The following TYRP1 variants were observed in gnomAD, a reference collection of about 807,000 sequenced individuals.
TYRP1 encodes the protein 5,6-dihydroxyindole-2-carboxylic acid oxidase.
A neutral mutation model predicts 42.8 loss-of-function variants in TYRP1; 49 were observed. That is an observed-to-expected ratio of 1.14 (90% CI 0.91 to 1.45). The LOEUF (loss-of-function observed/expected upper bound fraction) is 1.45. Among genes scored for constraint, TYRP1 ranks in the 40% most tolerant of loss-of-function variants. TYRP1 has a pLI of 0.00. For missense variants in TYRP1, 848 were observed against 662.0 expected (o/e 1.28, Z -3.08); for synonymous variants, 279 against 235.4 (o/e 1.19, Z -1.69).
chr9:12,703,052 A>G (rs1054421580), intron 5 of TYRP1, among the ~76,000 whole-genome samples: 4 of 152,030 alleles, frequency 2.6e-5, no homozygotes, highest in Non-Finnish European at 5.9e-5. Context: ...CTAGTTACTA[A>G]CAGAGCGTAG....
At chr9:12,697,874 G>T (rs1366570932) in intron 3 of TYRP1, among the ~76,000 whole-genome samples, 1 of 152,106 alleles carries the variant, frequency 6.6e-6, no homozygotes, top group Non-Finnish European at 1.5e-5. Flanking sequence ...AGATTCTAAG[G>T]CAGGGTTCCC....
chr9:12,702,744 T>G (rs902221886), intron 5 of TYRP1, among the ~76,000 whole-genome samples: 1 of 151,986 alleles, frequency 6.6e-6, no homozygotes, highest in African/African-American at 2.4e-5. Flanking sequence ...TATATCAAGG[T>G]CTCTAGCATT....
Position 12,695,679 on chromosome 9 carries a change from A to G in TYRP1, c.550A>G (p.Ile184Val), listed in dbSNP as rs759675607. ...CACGCCACAATTTGAGAACATTTCC[A>G]TTTATAACTACTTTGTTTGGACACA... ...GNTPQFENIS[I>V]YNYFVWTHYY... Residue 184 changes from isoleucine to valine, a missense_variant, in exon 3 of 8, where the codon ATT (isoleucine) becomes GTT (valine). Ile to Val is a conservative substitution (Grantham distance 29). Coordinates refer to ENST00000388918, the MANE Select transcript of TYRP1 (RefSeq NM_000550.3). 1.2e-6 allele frequency: 2 copies of G among 1,614,202 alleles called. No homozygotes were observed. Among genetic ancestry groups the G allele is most frequent in the Admixed American group, 3.3e-5 (2 of 60,028 alleles).
chr9:12,707,582 T>G (rs1586847229), intron 6 of TYRP1: 1 of 171,518 alleles, frequency 5.8e-6, no homozygotes, highest in Non-Finnish European at 1.2e-5. Flanking sequence ...GGGGAGAGAG[T>G]GGTGAGAGAT....
At chr9:12,702,121 T>G (rs932243987) in intron 4 of TYRP1, 150 bp from the exon 5 acceptor site, 2 of 749,452 alleles carry the variant, frequency 2.7e-6, no homozygotes, top group Admixed American at 2.9e-5. Flanking sequence ...ATTTTCTCAT[T>G]TTAATGCTAC....
chr9:12,704,622 T>G lies in TYRP1; in HGVS notation c.1178T>G (p.Leu393Trp), dbSNP rs1043658097. 6.2e-7 allele frequency: 1 copy of G among 1,613,100 alleles called. No individual in the cohort carries two copies. The highest frequency in any genetic ancestry group is 1.3e-5 in the African/African-American group (1 of 74,854). The change falls in exon 6 of 8, where the codon TTG becomes TGG. Residue 393 changes from leucine (L) to tryptophan (W), a missense_variant. Transcript: ENST00000388918. The stretch of plus-strand genomic sequence containing the variant: ...AATGGAACAGGGGGACAAACCCATT[T>G]GTCTCCAAATGATCCTATTTTTGTC... ...FLNGTGGQTHLSPNDPIFVLL... is the reference protein window; with the variant it reads ...FLNGTGGQTHWSPNDPIFVLL...
chr9:12,704,015 G>A (rs1818218677), intron 5 of TYRP1, among the ~76,000 whole-genome samples: 1 of 151,572 alleles, frequency 6.6e-6, no homozygotes, highest in Admixed American at 6.6e-5. Flanking sequence ...GCACAAAGAT[G>A]GAAAGAAAGC....
Position 12,704,541 on chromosome 9 carries a change from C to T in TYRP1, c.1097C>T (p.Thr366Met), listed in dbSNP as rs199823942. 183 of 1,612,234 alleles carry T rather than the reference C, an allele frequency of 1.1e-4. No individual in the cohort carries two copies. Among genetic ancestry groups the T allele is most frequent in the Non-Finnish European group, 1.4e-4 (170 of 1,179,388 alleles). Residue 366 changes from threonine to methionine, a missense_variant, in exon 6 of 8, where the codon ACG becomes ATG. By Grantham distance (81) the Thr-to-Met change is moderately conservative (BLOSUM62 -1). Coordinates refer to ENST00000388918, the MANE Select transcript of TYRP1 (RefSeq NM_000550.3). ...ATGTGTCTAGGTTACAGTGACCCCACGGGAAAGTATGACCCTGCTGTTCGA... is the reference window on the plus strand; with the variant it reads ...ATGTGTCTAGGTTACAGTGACCCCATGGGAAAGTATGACCCTGCTGTTCGA... ...RNTVEGYSDPTGKYDPAVRSL... is the reference protein window; with the variant it reads ...RNTVEGYSDPMGKYDPAVRSL...
chr9:12,695,839 T>A lies in TYRP1; in HGVS notation c.708+2T>A, dbSNP rs1286089402. On this transcript the variant is annotated splice_donor_variant, in intron 3 of 7. Coordinates refer to ENST00000388918, the MANE Select transcript of TYRP1 (RefSeq NM_000550.3). LOFTEE classifies it high-confidence loss of function. ...CTGCGTCTGGAGAAAGACATGCAGG[T>A]ATGTAAGAAGCATTTCAGTTTGCAG... 1.2e-6 allele frequency: 2 copies of A among 1,613,796 alleles called. No individual in the cohort carries two copies. Among genetic ancestry groups the A allele is most frequent in the African/African-American group, 1.3e-5 (1 of 75,050 alleles).
rs755136711 is a variant in TYRP1 at position 12,698,446 on chromosome 9, T to A, written c.709-5T>A. The stretch of plus-strand genomic sequence containing the variant: ...GAGAGTATTAATGTGGTTTCTGTGA[T>A]CTAGGAAATGTTGCAAGAGCCTTCT... On this transcript the variant is annotated splice_region_variant and splice_polypyrimidine_tract_variant and intron_variant, in intron 3 of 7. Coordinates refer to ENST00000388918, the MANE Select transcript of TYRP1 (RefSeq NM_000550.3). 6.2e-7 allele frequency: 1 copy of A among 1,613,140 alleles called. No homozygotes were observed. The highest frequency in any genetic ancestry group is 8.5e-7 in the Non-Finnish European group (1 of 1,179,278).
chr9:12,707,913 A>C (rs1818284884), intron 6 of TYRP1, 84 bp from the exon 7 acceptor site: 1 of 1,360,564 alleles, frequency 7.3e-7, no homozygotes, highest in Non-Finnish European at 1.0e-6. Flanking sequence ...TTCTCCTTGA[A>C]TATTGGATGC....
At chr9:12,705,776 G>C (rs921650500) in intron 6 of TYRP1, among the ~76,000 whole-genome samples, 2 of 151,990 alleles carry the variant, frequency 1.3e-5, no homozygotes, top group Non-Finnish European at 2.9e-5. Flanking sequence ...GACCCTAGGA[G>C]GTAGAGGTTG....
intron 7 of TYRP1, 91 bp from the exon 8 acceptor site, chr9:12,708,886 A>T: frequency 8.3e-7 from 1 of 1,208,806 alleles, no homozygotes; most frequent in Non-Finnish European, 1.2e-6. Context: ...GATTTCTGTT[A>T]AAATAGACAT....
At chr9:12,703,673 C>A (rs1350819972) in intron 5 of TYRP1, among the ~76,000 whole-genome samples, 4 of 151,464 alleles carry the variant, frequency 2.6e-5, no homozygotes, top group African/African-American at 9.7e-5. Context: ...TAAGTGGCTA[C>A]AACTATACAA....
intron 5 of TYRP1, 33 bp downstream of exon 5, chr9:12,702,471 C>G (rs1563855162): frequency 1.9e-6 from 3 of 1,603,066 alleles, no homozygotes; most frequent in Non-Finnish European, 2.6e-6. Flanking sequence ...TTTAAAAGAT[C>G]TAGTTATCAG....
In TYRP1 at chr9:12,709,018, G is replaced by C; in HGVS notation, c.1450G>C (p.Val484Leu). Residue 484 changes from valine to leucine, a missense_variant, in exon 8 of 8, where the codon GTT becomes CTT. Transcript: ENST00000388918. ...ACCTGAGATAATTGCCATAGCAGTAGTTGGCGCTTTGTTACTGGTTGCACT... is the reference window on the plus strand; with the variant it reads ...ACCTGAGATAATTGCCATAGCAGTACTTGGCGCTTTGTTACTGGTTGCACT... Reference protein sequence around the residue: ...SVPEIIAIAVVGALLLVALIF... With the variant: ...SVPEIIAIAVLGALLLVALIF... 1 of 1,612,740 alleles carries C rather than the reference G, an allele frequency of 6.2e-7. No homozygotes were observed. Among genetic ancestry groups the C allele is most frequent in the Non-Finnish European group, 8.5e-7 (1 of 1,179,208 alleles).
chr9:12,699,273 C>T (rs558261875), intron 4 of TYRP1, among the ~76,000 whole-genome samples: 1 of 152,198 alleles, frequency 6.6e-6, no homozygotes, highest in Admixed American at 6.6e-5. Flanking sequence ...AATGCCACCA[C>T]TGTCACAGGT....
intron 6 of TYRP1, among the ~76,000 whole-genome samples, chr9:12,706,448 TG>T (rs1242257689): frequency 6.6e-6 from 1 of 152,044 alleles, no homozygotes; most frequent in Non-Finnish European, 1.5e-5. Flanking sequence ...TAAAGGTCAT[TG>T]ATGAACCAGA....
intron 4 of TYRP1, 35 bp from the exon 5 acceptor site, chr9:12,702,236 G>T: frequency 6.2e-7 from 1 of 1,604,302 alleles, no homozygotes; most frequent in Non-Finnish European, 8.5e-7. Flanking sequence ...TCCAAACATT[G>T]TGTAAATGTT....
Sources: gnomAD v4.1 joint callset for allele counts (sites outside exome capture counted in the v4.1 genomes callset) on GRCh38, gnomAD v4.1.1 for gene constraint, MANE v1.5 for transcripts, NCBI Gene and HGNC (gene_info 2026-07-23, HGNC 2026-07-21) for gene names.